Variants in TTC7A observed in about 807,000 individuals in gnomAD.
The protein encoded by TTC7A is tetratricopeptide repeat domain 7A.
A neutral mutation model predicts 103.7 loss-of-function variants in TTC7A; 110 were observed. The observed-to-expected ratio is 1.06, with a 90% CI of 0.91 to 1.24. The LOEUF (loss-of-function observed/expected upper bound fraction) is 1.24. Among genes scored for constraint, TTC7A ranks in the 50% most tolerant of loss-of-function variants. TTC7A has a pLI of 0.00. For missense variants in TTC7A, 1,340 were observed against 1,116.3 expected, an observed-to-expected ratio of 1.20 and a Z score of -2.86; for synonymous variants, 521 against 467.9, an observed-to-expected ratio of 1.11 and a Z score of -1.47.
chr2:46,945,838 T>A (rs1180519005), intron 1 of TTC7A, among the ~76,000 whole-genome samples: 2 of 152,210 alleles, frequency 1.3e-5, no homozygotes, highest in African/African-American at 2.4e-5. Flanking sequence ...AGTTTCAGCC[T>A]TTTCCTCTTG....
At chr2:46,934,435 T>A (rs187237392) in intron 2 of TTC7A, among the ~76,000 whole-genome samples, 1 of 152,074 alleles carries the variant, frequency 6.6e-6, no homozygotes, top group African/African-American at 2.4e-5. Flanking sequence ...ATTTTTGTAT[T>A]TTTAGTAGAG....
At chr2:47,027,664 G>A (rs1004282480) in intron 14 of TTC7A, among the ~76,000 whole-genome samples, 5 of 152,328 alleles carry the variant, frequency 3.3e-5, no homozygotes, top group South Asian at 2.1e-4. Context: ...TTGCCAAAAC[G>A]AGCAGGATCA....
intron 3 of TTC7A, among the ~76,000 whole-genome samples, chr2:46,959,863 G>A (rs1321035366): frequency 6.6e-6 from 1 of 152,192 alleles, no homozygotes; most frequent in Non-Finnish European, 1.5e-5. Context: ...ATGCGTATTT[G>A]TGTATATAAG....
In TTC7A at chr2:46,932,086, T is replaced by C. The variant is rs758730909; in HGVS notation, c.82+14809T>C. Among the ~76,000 whole-genome samples, 176 of 151,980 alleles carry C rather than the reference T, an allele frequency of 1.2e-3. 1 individual carries two copies. The highest frequency in any genetic ancestry group is 2.2e-3 in the Non-Finnish European group (148 of 68,018). ...TGTTTTTAAAAAACCTTTAACAAAC[T>C]AGGAATAGAAAAAACTTCCTAAATC... On this transcript the variant is annotated intron_variant, in intron 2 of 20. Transcript: ENST00000409245.
intron 13 of TTC7A, 90 bp from the exon 14 acceptor site, chr2:47,024,197 C>G: frequency 5.0e-6 from 6 of 1,198,508 alleles, no homozygotes; most frequent in Non-Finnish European, 7.0e-6. Flanking sequence ...CTCATAGCGC[C>G]CAGCACAGGG....
At chr2:46,922,836 T>C (rs912460904) in intron 2 of TTC7A, among the ~76,000 whole-genome samples, 1 of 152,130 alleles carries the variant, frequency 6.6e-6, no homozygotes, top group Non-Finnish European at 1.5e-5. Context: ...GCCATCTACC[T>C]AGAGATAACC....
chr2:47,011,417 C>T lies in TTC7A; in HGVS notation c.1374C>T (p.Cys458=), dbSNP rs1479597197. 2 of 1,608,424 alleles carry T rather than the reference C, an allele frequency of 1.2e-6. No individual in the cohort carries two copies. Among genetic ancestry groups the T allele is most frequent in the South Asian group, 1.1e-5 (1 of 90,938 alleles). The change falls in exon 11 of 20, where the codon TGC becomes TGT. Residue 458 remains cysteine (C), a synonymous_variant. Transcript: ENST00000319190. ...PTVPLMAAKV[C]IGSLRWLEEA... The stretch of plus-strand genomic sequence containing the variant: ...TGCCCCTGATGGCCGCGAAGGTCTG[C>T]ATCGGGTCCCTTCGCTGGGTGAGTG...
chr2:47,041,999 G>A (rs543112862), intron 15 of TTC7A, among the ~76,000 whole-genome samples: 1 of 152,262 alleles, frequency 6.6e-6, no homozygotes, highest in South Asian at 2.1e-4. Context: ...CGGGATGATT[G>A]AAGCTTAATA....
In TTC7A at chr2:47,075,192, C is replaced by G. The variant is rs1470456107; in HGVS notation, c.*1269C>G. On this transcript the variant is annotated 3_prime_UTR_variant, in exon 20 of 20. Transcript: ENST00000319190. ...TTTCCCGAGATGATTCCCAAGACAG[C>G]TGGTGCCTCCTGGCTTTCCTGTGCC... is the stretch of plus-strand genomic sequence containing the variant. 1 of 152,250 alleles carries G rather than the reference C, an allele frequency of 6.6e-6. No homozygotes were observed. Among genetic ancestry groups the G allele is most frequent in the African/African-American group, 2.4e-5 (1 of 41,462 alleles). The allele number at this position is 152,250 out of a possible 1,614,324, so 9.4% of individuals were successfully genotyped here.
exon 1 of TTC7A, chr2:46,916,157 C>G (rs965413825): frequency 2.0e-6 from 2 of 985,570 alleles, no homozygotes; most frequent in Non-Finnish European, 2.4e-6. Context: ...CGCTCACCCC[C>G]TCCTATACAG....
At chr2:46,927,207 C>T (rs1041024879) in intron 2 of TTC7A, among the ~76,000 whole-genome samples, 3 of 151,656 alleles carry the variant, frequency 2.0e-5, no homozygotes, top group Non-Finnish European at 4.4e-5. Context: ...AAAAATTTTC[C>T]AGAACCAATG....
At position 47,074,094 on chromosome 2, in the gene TTC7A, TC is replaced by T. The variant is rs2103679421; in HGVS notation, c.*173del. 1 of 607,614 alleles carries T rather than the reference TC, an allele frequency of 1.6e-6. No homozygotes were observed. The highest frequency in any genetic ancestry group is 2.0e-5 in the South Asian group (1 of 50,290). The allele number at this position is 607,614 out of a possible 1,614,324, so 37.6% of individuals were successfully genotyped here. A position where few individuals can be genotyped will look rare whatever the true frequency, so the allele number is the denominator to read the frequency against. On this transcript the variant is annotated 3_prime_UTR_variant, in exon 20 of 20. Transcript: ENST00000319190. ...TCTCTTGGCTGGGCCAAGAGGGCCT[TC>T]CTGGATTTCTTTGTTGGTGCCTTGG...
intron 19 of TTC7A, among the ~76,000 whole-genome samples, chr2:47,063,183 G>A (rs749252305): frequency 1.3e-5 from 2 of 152,188 alleles, no homozygotes; most frequent in African/African-American, 2.4e-5. Context: ...ATCCACTTGG[G>A]GGACTTAGGA....
At chr2:47,038,106 A>T (rs1681314527) in intron 15 of TTC7A, among the ~76,000 whole-genome samples, 1 of 152,132 alleles carries the variant, frequency 6.6e-6, no homozygotes, top group Admixed American at 6.5e-5. Flanking sequence ...AATTTAAAAA[A>T]AAATAAGCCA....
intron 15 of TTC7A, among the ~76,000 whole-genome samples, chr2:47,034,958 CTG>C (rs1680949880): frequency 6.6e-6 from 1 of 152,210 alleles, no homozygotes; most frequent in Non-Finnish European, 1.5e-5. Context: ...GAAACCTAGA[CTG>C]TTTTGGAAAA....
rs199838663 is a variant in TTC7A at position 46,975,134 on chromosome 2, T to C, written c.648+31T>C. ...CTGGAAATAACACCGTGGTAGGAGC[T>C]GCTCTCTATTGAGCACCTATGTCTA... On this transcript the variant is annotated intron_variant, in intron 4 of 19. Coordinates refer to ENST00000319190, the MANE Select transcript of TTC7A (RefSeq NM_020458.4). The C allele has an allele frequency of 5.6e-6, 9 of 1,610,884 alleles. 1 individual carries two copies. The South Asian group carries it at 9.9e-5, about 18-fold the overall frequency.
Position 46,941,842 on chromosome 2 carries a change from C to G in TTC7A, c.184+117C>G, listed in dbSNP as rs543332567. 2.9e-5 allele frequency: 39 copies of G among 1,359,422 alleles called. No homozygotes were observed. The East Asian group carries it at 7.6e-4, about 26-fold the overall frequency. 84.2% of individuals were successfully genotyped at this position (1,359,422 alleles called of 1,614,324 possible). A position where few individuals can be genotyped will look rare whatever the true frequency, so the allele number is the denominator to read the frequency against. ...AGCGGGCGCCTGCCAGCCCACCGTGCTAGTCTTAAGAGCAGCCAGGGCAGT... is the reference window on the plus strand; with the variant it reads ...AGCGGGCGCCTGCCAGCCCACCGTGGTAGTCTTAAGAGCAGCCAGGGCAGT... On this transcript the variant is annotated intron_variant, in intron 1 of 19. Transcript: ENST00000319190. The surrounding 1 kb of genome is among the most constrained non-coding windows in gnomAD (Gnocchi z 4.2).
chr2:47,035,760 T>C (rs1288671411), intron 15 of TTC7A: 1 of 152,242 alleles, frequency 6.6e-6, no homozygotes, highest in Non-Finnish European at 1.5e-5. Context: ...GAGGCAGGAA[T>C]TGTGGCCCAG....
intron 3 of TTC7A, among the ~76,000 whole-genome samples, chr2:46,960,432 A>G (rs1265463336): frequency 1.3e-5 from 2 of 152,078 alleles, no homozygotes; most frequent in African/African-American, 4.8e-5. Context: ...TGGGGTACAG[A>G]CCCATCCCTC....
Sources: allele counts gnomAD v4.1 joint callset (sites outside exome capture counted in the v4.1 genomes callset), GRCh38; gene constraint gnomAD v4.1.1; non-coding constraint Gnocchi (gnomAD v3.1); transcripts MANE v1.5; gene names NCBI Gene and HGNC (gene_info 2026-07-23, HGNC 2026-07-21).